ANKS1B: variants seen among roughly 807,000 people sequenced by gnomAD.
The protein encoded by ANKS1B is ankyrin repeat and sterile alpha motif domain containing 1B.
A neutral mutation model predicts 148.3 loss-of-function variants in ANKS1B; 36 were observed. The observed-to-expected ratio is 0.24, with a 90% confidence interval of 0.19 to 0.32. The LOEUF (loss-of-function observed/expected upper bound fraction) is 0.32, where lower values mean the gene tolerates loss of function less well. Among genes scored for constraint, ANKS1B ranks in the 10% least tolerant of loss-of-function variants. The pLI is 1.00. For synonymous variants in ANKS1B, 542 were observed against 560.8 expected (o/e 0.97, Z 0.47); for missense variants, 1,157 against 1,542.6 (o/e 0.75, Z 4.19).
intron 15 of ANKS1B, among the ~76,000 whole-genome samples, chr12:99,111,952 A>C (rs1267544107): frequency 6.6e-6 from 1 of 152,190 alleles, no homozygotes; most frequent in Non-Finnish European, 1.5e-5. Flanking sequence ...AGAAATACTG[A>C]GCAATTACAG....
intron 14 of ANKS1B, among the ~76,000 whole-genome samples, chr12:99,237,826 AG>A (rs1176123607): frequency 6.6e-6 from 1 of 152,208 alleles, no homozygotes; most frequent in African/African-American, 2.4e-5. Flanking sequence ...TATCTTGCCA[AG>A]GCTGGTCTCA....
chr12:99,792,715 T>C (rs955706524), intron 4 of ANKS1B, among the ~76,000 whole-genome samples: 4 of 152,068 alleles, frequency 2.6e-5, no homozygotes, highest in Non-Finnish European at 5.9e-5. Context: ...AAAATCCATA[T>C]ATGACAGACT....
chr12:99,075,761 CATTATATCTATT>C (rs1452615282), intron 16 of ANKS1B, among the ~76,000 whole-genome samples: 2 of 148,988 alleles, frequency 1.3e-5, no homozygotes, highest in Admixed American at 6.7e-5. Flanking sequence ...AATTATATAA[CATTATATCTATT>C]ATTATATCTA....
chr12:99,899,025 C>T (rs1450751135), intron 1 of ANKS1B, among the ~76,000 whole-genome samples: 1 of 152,140 alleles, frequency 6.6e-6, no homozygotes, highest in Admixed American at 6.5e-5. Flanking sequence ...TTTGCCAAGA[C>T]TACAAATTAG....
chr12:99,681,979 G>A (rs2098621914), intron 8 of ANKS1B, among the ~76,000 whole-genome samples: 1 of 152,054 alleles, frequency 6.6e-6, no homozygotes, highest in African/African-American at 2.4e-5. Flanking sequence ...TCTTACATAA[G>A]GTAAAACAGA....
chr12:99,516,428 T>C (rs2096821751), intron 9 of ANKS1B, among the ~76,000 whole-genome samples: 1 of 152,134 alleles, frequency 6.6e-6, no homozygotes, highest in Admixed American at 6.6e-5. Flanking sequence ...AACAAGATCA[T>C]GTCCTTTGCC....
At chr12:99,125,034 G>A (rs1331267062) in intron 15 of ANKS1B, among the ~76,000 whole-genome samples, 2 of 152,130 alleles carry the variant, frequency 1.3e-5, no homozygotes, top group African/African-American at 4.8e-5. Context: ...TATAAAGTGA[G>A]CTGAAAAATT....
At chr12:98,798,501 A>AC (rs1445312259) in intron 22 of ANKS1B, among the ~76,000 whole-genome samples, 24 of 152,168 alleles carry the variant, frequency 1.6e-4, no homozygotes, top group African/African-American at 5.3e-4. Flanking sequence ...TAAAAAAAAA[A>AC]AACTGAGTAA....
intron 14 of ANKS1B, among the ~76,000 whole-genome samples, chr12:99,183,422 T>A (rs531272493): frequency 1.3e-5 from 2 of 152,220 alleles, no homozygotes; most frequent in South Asian, 4.1e-4. Flanking sequence ...GGCGGGCGGA[T>A]CATGAGGTCA....
chr12:99,396,254 G>A (rs1461487881), intron 12 of ANKS1B, among the ~76,000 whole-genome samples: 4 of 152,044 alleles, frequency 2.6e-5, no homozygotes. Context: ...AAAATATCTA[G>A]CAAATCAGTG....
intron 17 of ANKS1B, among the ~76,000 whole-genome samples, chr12:98,853,086 T>C (rs962487842): frequency 3.3e-5 from 5 of 152,226 alleles, no homozygotes; most frequent in African/African-American, 1.2e-4. Flanking sequence ...GATACTGTCT[T>C]AGGACCATTT....
At chr12:99,938,355 G>T (rs1306954486) in intron 1 of ANKS1B, among the ~76,000 whole-genome samples, 1 of 152,014 alleles carries the variant, frequency 6.6e-6, no homozygotes, top group Admixed American at 6.5e-5. Flanking sequence ...TTCCCTAATT[G>T]AGCCCCAGTT....
chr12:98,991,554 T>C lies in ANKS1B; in HGVS notation c.2778+61603A>G, dbSNP rs867109586. On this transcript the variant is annotated intron_variant, in intron 17 of 26. Coordinates refer to ENST00000683438, the MANE Select transcript of ANKS1B (RefSeq NM_001352186.2). ...AATTTTGACTGTCTTGCAAACGACC[T>C]GAACATCAATTAACAATCTAATAAT... Among the ~76,000 whole-genome samples the C allele has an allele frequency of 4.7e-4, 71 of 152,338 alleles. No individual in the cohort carries two copies. The Middle Eastern group carries it at 0.024, about 51-fold the overall frequency.
At chr12:99,161,146 T>C (rs901708795) in intron 14 of ANKS1B, among the ~76,000 whole-genome samples, 7 of 152,248 alleles carry the variant, frequency 4.6e-5, no homozygotes, top group African/African-American at 1.7e-4. Flanking sequence ...ACCATATTGA[T>C]TCTTTCAATC....
chr12:99,457,260 A>AT (rs944257377), intron 10 of ANKS1B, among the ~76,000 whole-genome samples: 1 of 151,592 alleles, frequency 6.6e-6, no homozygotes, highest in African/African-American at 2.4e-5. Flanking sequence ...GGAGCTCTAA[A>AT]TTTTTTTTTA....
chr12:99,518,052 C>T (rs2096839675), intron 9 of ANKS1B, among the ~76,000 whole-genome samples: 1 of 152,108 alleles, frequency 6.6e-6, no homozygotes, highest in South Asian at 2.1e-4. Context: ...ACCATCCTTG[C>T]CTCCTAGGGA....
chr12:99,532,278 C>T (rs967805448), intron 9 of ANKS1B, among the ~76,000 whole-genome samples: 1 of 149,880 alleles, frequency 6.7e-6, no homozygotes, highest in African/African-American at 2.4e-5. Flanking sequence ...AGGCAATATC[C>T]AGAAGAGTTT....
intron 14 of ANKS1B, among the ~76,000 whole-genome samples, chr12:99,198,963 A>T (rs2081724038): frequency 6.6e-6 from 1 of 152,202 alleles, no homozygotes; most frequent in African/African-American, 2.4e-5. Context: ...AGGGGATGAT[A>T]GATACCATGT....
chr12:99,601,710 C>A (rs2097801539), intron 9 of ANKS1B, among the ~76,000 whole-genome samples: 1 of 151,862 alleles, frequency 6.6e-6, no homozygotes, highest in South Asian at 2.1e-4. Flanking sequence ...ATTCAGAGAC[C>A]CAAGGGACAA....
Sources: allele counts gnomAD v4.1 joint callset (sites outside exome capture counted in the v4.1 genomes callset), GRCh38; gene constraint gnomAD v4.1.1; transcripts MANE v1.5; gene names NCBI Gene and HGNC (gene_info 2026-07-23, HGNC 2026-07-21).